UMAD1: variants seen among roughly 807,000 people sequenced by gnomAD.
UMAD1 encodes the protein UBAP1-MVB12-associated (UMA) domain containing 1, also known as UBAP1-MVB12-associated (UMA)-domain containing protein 1.
In UMAD1, 8 loss-of-function variants were observed where a neutral mutation model predicts 6.1. The observed-to-expected ratio is 1.30, with a 90% CI of 0.76 to 2.35. The LOEUF is 2.35. Ranked by LOEUF, UMAD1 falls within the 30% of genes most tolerant of loss-of-function variation. UMAD1 has a pLI of 0.00. For synonymous variants in UMAD1, 56 were observed against 31.4 expected (o/e 1.78, Z -2.61); for missense variants, 130 against 78.4 (o/e 1.66, Z -2.49).
chr7:7,875,051 G>A (rs1217169804), intron 3 of UMAD1, among the ~76,000 whole-genome samples: 9 of 152,142 alleles, frequency 5.9e-5, no homozygotes, highest in Non-Finnish European at 1.2e-4. Context: ...TGGGATTACA[G>A]GCGTGAGCCA....
chr7:7,660,053 T>G (rs113637147), intron 1 of UMAD1, among the ~76,000 whole-genome samples: 3 of 152,224 alleles, frequency 2.0e-5, no homozygotes, highest in African/African-American at 7.2e-5. Context: ...TACCATTATG[T>G]AATGCTCTTT....
chr7:7,757,587 G>A (rs1403875844), intron 2 of UMAD1, among the ~76,000 whole-genome samples: 1 of 152,138 alleles, frequency 6.6e-6, no homozygotes, highest in Admixed American at 6.5e-5. Context: ...TGAAGAGTTA[G>A]TTTACAGATA....
intron 2 of UMAD1, among the ~76,000 whole-genome samples, chr7:7,715,620 C>T (rs548421958): frequency 5.7e-4 from 87 of 152,064 alleles, no homozygotes; most frequent in Non-Finnish European, 9.7e-4. Flanking sequence ...TAAAGTTTTT[C>T]AATAGCAATT....
chr7:7,839,053 A>T (rs1783625553), intron 3 of UMAD1, among the ~76,000 whole-genome samples: 1 of 152,180 alleles, frequency 6.6e-6, no homozygotes, highest in South Asian at 2.1e-4. Flanking sequence ...GTTCCTGGTA[A>T]TGTTCTGTTC....
chr7:7,793,139 C>T (rs1284513679), intron 2 of UMAD1, among the ~76,000 whole-genome samples: 1 of 152,186 alleles, frequency 6.6e-6, no homozygotes, highest in Non-Finnish European at 1.5e-5. Flanking sequence ...AAGACCTTAC[C>T]CCGGCTTCCC....
intron 2 of UMAD1, among the ~76,000 whole-genome samples, chr7:7,699,331 A>C (rs1780401140): frequency 6.6e-6 from 1 of 152,216 alleles, no homozygotes; most frequent in Admixed American, 6.5e-5. Context: ...AAATATATTT[A>C]TGCTTTAATC....
At chr7:7,661,913 C>G (rs1785484076) in intron 1 of UMAD1, among the ~76,000 whole-genome samples, 1 of 152,116 alleles carries the variant, frequency 6.6e-6, no homozygotes, top group Non-Finnish European at 1.5e-5. Flanking sequence ...CCACAGCTGC[C>G]CCTTCCCCCG....
At chr7:7,673,548 T>C in intron 2 of UMAD1, 95 bp downstream of exon 2, 2 of 645,438 alleles carry the variant, frequency 3.1e-6, no homozygotes, top group Non-Finnish European at 5.5e-6. Flanking sequence ...TTATTTCTTA[T>C]AATTTCAGAA....
At chr7:7,788,390 A>G (rs1470297029) in intron 2 of UMAD1, among the ~76,000 whole-genome samples, 3 of 152,246 alleles carry the variant, frequency 2.0e-5, no homozygotes, top group Non-Finnish European at 4.4e-5. Flanking sequence ...TTACTCTGTA[A>G]TCAAGCAGGT....
intron 2 of UMAD1, among the ~76,000 whole-genome samples, chr7:7,726,510 G>C (rs954375748): frequency 1.3e-5 from 2 of 152,214 alleles, no homozygotes; most frequent in Non-Finnish European, 2.9e-5. Context: ...CCAGAAGGCC[G>C]TGTATGCTCT....
At chr7:7,755,773 G>A (rs1335253997) in intron 2 of UMAD1, among the ~76,000 whole-genome samples, 2 of 152,186 alleles carry the variant, frequency 1.3e-5, no homozygotes, top group African/African-American at 4.8e-5. Context: ...TGCTGGCTAA[G>A]TACGTATGTA....
intron 1 of UMAD1, among the ~76,000 whole-genome samples, chr7:7,665,211 G>A (rs939840294): frequency 3.9e-5 from 6 of 152,120 alleles, no homozygotes; most frequent in South Asian, 2.1e-4. Context: ...ACTTAAAAGG[G>A]AAGCCTTGGA....
chr7:7,812,927 T>A (rs527699039), intron 3 of UMAD1, among the ~76,000 whole-genome samples: 133 of 152,306 alleles, frequency 8.7e-4, no homozygotes, highest in Admixed American at 2.5e-3. Context: ...CAGCCATTTT[T>A]ATGATGTCTT....
At chr7:7,722,456 C>T (rs1401884263) in intron 2 of UMAD1, among the ~76,000 whole-genome samples, 1 of 152,078 alleles carries the variant, frequency 6.6e-6, no homozygotes, top group Non-Finnish European at 1.5e-5. Context: ...ATGCATTTGA[C>T]ACTCCTGATT....
rs1357726400 is a variant in UMAD1 at position 7,675,530 on chromosome 7, A to G, written c.82+2077A>G. Reference sequence around the variant, plus strand: ...TACTATGGATCTCCTTTCCCTTTCCAGGAAAGACTAGTTTAAGAAGTAGTC... The same window carrying G: ...TACTATGGATCTCCTTTCCCTTTCCGGGAAAGACTAGTTTAAGAAGTAGTC... On this transcript the variant is annotated intron_variant, in intron 2 of 3. Transcript: ENST00000682710. Among the ~76,000 whole-genome samples the G allele has an allele frequency of 2.0e-5, 3 of 152,256 alleles. 1 individual carries two copies. The highest frequency in any genetic ancestry group is 6.5e-5 in the Admixed American group (1 of 15,286).
chr7:7,831,250 C>T (rs561413357), intron 3 of UMAD1, among the ~76,000 whole-genome samples: 3 of 152,236 alleles, frequency 2.0e-5, no homozygotes, highest in East Asian at 3.9e-4. Context: ...AAGTTGCTGT[C>T]GCCAGGATAT....
chr7:7,729,981 A>G (rs551902080), intron 2 of UMAD1, among the ~76,000 whole-genome samples: 1 of 152,298 alleles, frequency 6.6e-6, no homozygotes, highest in South Asian at 2.1e-4. Context: ...CCTATGGTCA[A>G]TAGTTGCAGT....
chr7:7,641,939 A>G (rs1156316164), intron 1 of UMAD1, among the ~76,000 whole-genome samples: 1 of 152,234 alleles, frequency 6.6e-6, no homozygotes, highest in East Asian at 1.9e-4. Flanking sequence ...AGTTTTACTC[A>G]CTAACGGTAC....
At chr7:7,643,720 AAAAAACAAACAAACG>A (rs1287816092) in intron 1 of UMAD1, among the ~76,000 whole-genome samples, 2,798 of 11,006 alleles carry the variant, frequency 0.25, 51 homozygotes, top group South Asian at 0.38. Flanking sequence ...TCAAAAAAAA[AAAAAACAAACAAACG>A]AAAAAAAAAG....
Sources: gnomAD v4.1 joint callset for allele counts (sites outside exome capture counted in the v4.1 genomes callset) on GRCh38, gnomAD v4.1.1 for gene constraint, MANE v1.5 for transcripts, NCBI Gene and HGNC (gene_info 2026-07-23, HGNC 2026-07-21) for gene names.